Variants in PI4KA observed in about 807,000 individuals in gnomAD.
PI4KA encodes the protein phosphatidylinositol 4-kinase alpha.
Under a neutral mutation model 271.4 loss-of-function variants are expected in PI4KA, and 122 were observed. That is an observed-to-expected ratio of 0.45 (90% CI 0.39 to 0.52). The LOEUF (loss-of-function observed/expected upper bound fraction) is 0.52, where lower values mean the gene tolerates loss of function less well. Ranked by LOEUF, PI4KA falls within the 20% of genes least tolerant of loss-of-function variation. The pLI is 0.00. For synonymous variants in PI4KA, 1,041 were observed against 1,078.8 expected (o/e 0.96, Z 0.69); for missense variants, 1,969 against 2,769.1 (o/e 0.71, Z 6.48).
Position 20,834,444 on chromosome 22 carries a change from C to A in PI4KA, c.367+118G>T, listed in dbSNP as rs165729. 0.46 allele frequency: 331,054 copies of A among 717,472 alleles called. 78,725 individuals carry two copies. The highest frequency in any genetic ancestry group is 0.6 in the African/African-American group (34,224 of 56,886). 44.4% of individuals were successfully genotyped at this position (717,472 alleles called of 1,614,324 possible). On this transcript the variant is annotated intron_variant, in intron 3 of 54. Coordinates refer to ENST00000255882, the MANE Select transcript of PI4KA (RefSeq NM_058004.4). ...CCACAATGCTGCAGGCAGTTGTTTC[C>A]CAGCCAGGAGGGAGACAAGATGCAT...
At position 20,802,118 on chromosome 22, in the gene PI4KA, A is replaced by G. The variant is rs1935369388; in HGVS notation, c.1592-13T>C. 2 of 1,612,772 alleles carry G rather than the reference A, an allele frequency of 1.2e-6. No homozygotes were observed. Among genetic ancestry groups the G allele is most frequent in the African/African-American group, 1.3e-5 (1 of 74,896 alleles). On this transcript the variant is annotated splice_polypyrimidine_tract_variant and intron_variant, in intron 13 of 54. Transcript: ENST00000255882. ...TCATTGCCAGCAACTGAAAGTAAAA[A>G]ATTCAAATATATACCTAGTTAGGCC...
At chr22:20,807,883 T>G (rs1167114599) in intron 9 of PI4KA, among the ~76,000 whole-genome samples, 5 of 152,124 alleles carry the variant, frequency 3.3e-5, no homozygotes, top group Non-Finnish European at 7.4e-5. Context: ...ACAACTTATG[T>G]TTTGTAATTA....
Position 20,749,798 on chromosome 22 carries a change from C to T in PI4KA, c.3243+107G>A. The T allele has an allele frequency of 9.9e-6, 7 of 709,928 alleles. No individual in the cohort carries two copies. In the South Asian group the frequency reaches 1.1e-4, roughly 11 times the overall value. 44.0% of individuals were successfully genotyped at this position (709,928 alleles called of 1,614,324 possible). A position where few individuals can be genotyped will look rare whatever the true frequency, so the allele number is the denominator to read the frequency against. On this transcript the variant is annotated intron_variant, in intron 28 of 54. Transcript: ENST00000255882. ...GGCCCTAGACTGATGCTTCCAGTCT[C>T]CATTCACACTAGTGCTATTTGGATT...
intron 23 of PI4KA, among the ~76,000 whole-genome samples, chr22:20,753,791 A>G (rs1930974116): frequency 6.6e-6 from 1 of 151,908 alleles, no homozygotes; most frequent in Non-Finnish European, 1.5e-5. Flanking sequence ...GGTTCACGCC[A>G]TTCTCCTGCC....
At chr22:20,771,464 G>A (rs1296787749) in intron 19 of PI4KA, among the ~76,000 whole-genome samples, 1 of 151,980 alleles carries the variant, frequency 6.6e-6, no homozygotes, top group Non-Finnish European at 1.5e-5. Flanking sequence ...CACTAAATGG[G>A]AAAATGACTG....
Position 20,727,817 on chromosome 22 carries a change from C to T in PI4KA, c.4730G>A (p.Arg1577Gln). ...AIGNEVTRLVRLDPGAVSDVP... is the reference protein window; with the variant it reads ...AIGNEVTRLVQLDPGAVSDVP... ...ATCACTAACGGCTCCCGGGTCCAAC[C>T]GAACGAGACGGGTCACTTCGTTCCC... Residue 1577 changes from arginine (R) to glutamine (Q), a missense_variant, in exon 40 of 55, where the codon CGG (arginine) becomes CAG (glutamine). By Grantham distance (43) the Arg-to-Gln change is conservative (BLOSUM62 1). Around this residue, in one of 13 missense-constraint regions of PI4KA, gnomAD observed 388 missense variants for 521.5 expected, o/e 0.74. Transcript: ENST00000255882. 6.2e-7 allele frequency: 1 copy of T among 1,614,130 alleles called. No homozygotes were observed. The highest frequency in any genetic ancestry group is 8.5e-7 in the Non-Finnish European group (1 of 1,180,010).
intron 19 of PI4KA, among the ~76,000 whole-genome samples, chr22:20,777,614 A>T (rs1933408887): frequency 6.6e-6 from 1 of 152,086 alleles, no homozygotes; most frequent in African/African-American, 2.4e-5. Flanking sequence ...TTGGTCTCCC[A>T]GTGTTGGGAT....
chr22:20,742,133 G>T, intron 32 of PI4KA, 95 bp downstream of exon 32: 1 of 1,316,522 alleles, frequency 7.6e-7, no homozygotes, highest in Non-Finnish European at 1.1e-6. Flanking sequence ...GGCTTGCCCA[G>T]TGTCTCCATG....
chr22:20,853,579 A>G (rs1927248394), intron 1 of PI4KA, among the ~76,000 whole-genome samples: 1 of 152,190 alleles, frequency 6.6e-6, no homozygotes, highest in South Asian at 2.1e-4. Context: ...AGGACTGGGT[A>G]GGATTTGGTT....
At chr22:20,726,586 C>A (rs1325371542) in intron 41 of PI4KA, 45 bp from the exon 42 acceptor site, 3 of 1,532,264 alleles carry the variant, frequency 2.0e-6, no homozygotes, top group Non-Finnish European at 2.6e-6. Flanking sequence ...GAGAGCAGAG[C>A]CACCCAACCC....
At chr22:20,858,548 C>G in intron 1 of PI4KA, 22 bp downstream of exon 1, 1 of 1,355,220 alleles carries the variant, frequency 7.4e-7, no homozygotes, top group East Asian at 3.1e-5. Flanking sequence ...TGTCAGCCCG[C>G]GGCCCAGCCC....
chr22:20,735,621 T>G (rs1928618055), intron 32 of PI4KA, among the ~76,000 whole-genome samples: 1 of 152,114 alleles, frequency 6.6e-6, no homozygotes, highest in African/African-American at 2.4e-5. Flanking sequence ...CTCTGCCTTT[T>G]GCACTCTGTC....
rs369891887 is a variant in PI4KA, at chr22:20,822,336, C to A, written c.457-1725G>T. The stretch of plus-strand genomic sequence containing the variant: ...TGTTGGGATTACAGGCGTGAGCCAC[C>A]ATCCATGACAATAAGCTTATAGATG... On this transcript the variant is annotated intron_variant, in intron 4 of 54. Transcript: ENST00000255882. 1.1e-4 allele frequency among the ~76,000 whole-genome samples: 17 copies of A among 152,298 alleles called. No individual in the cohort carries two copies. The South Asian group carries it at 3.5e-3, about 32-fold the overall frequency.
At chr22:20,711,743 G>A (rs558201875) in intron 50 of PI4KA, among the ~76,000 whole-genome samples, 1 of 152,206 alleles carries the variant, frequency 6.6e-6, no homozygotes, top group African/African-American at 2.4e-5. Context: ...GTGGCTTACA[G>A]ATGCCCTGGT....
At chr22:20,830,790 A>C (rs1924057497) in intron 3 of PI4KA, among the ~76,000 whole-genome samples, 1 of 151,930 alleles carries the variant, frequency 6.6e-6, no homozygotes, top group Non-Finnish European at 1.5e-5. Context: ...TCTTTTTTTG[A>C]GACAGAGTTT....
chr22:20,840,192 A>G lies in PI4KA; in HGVS notation c.157-1461T>C, dbSNP rs369333839. Among the ~76,000 whole-genome samples, 16 of 152,356 alleles carry G rather than the reference A, an allele frequency of 1.1e-4. No homozygotes were observed. In the South Asian group the frequency reaches 2.9e-3, roughly 28 times the overall value. ...GCATAACATCATTATTTCTCCAACA[A>G]TAGTGCCTGAAAGACAACTTTTGAT... On this transcript the variant is annotated intron_variant, in intron 1 of 54. Transcript: ENST00000255882.
intron 47 of PI4KA, 21 bp from the exon 48 acceptor site, chr22:20,713,411 C>T (rs770494698): frequency 3.6e-5 from 56 of 1,545,972 alleles, no homozygotes; most frequent in African/African-American, 6.8e-5. Flanking sequence ...GGAGAGAGGC[C>T]GCTGTTAGCC....
chr22:20,837,328 G>C (rs547298590), intron 2 of PI4KA, among the ~76,000 whole-genome samples: 2 of 152,324 alleles, frequency 1.3e-5, no homozygotes, highest in Non-Finnish European at 2.9e-5. Flanking sequence ...ATTAAATAAT[G>C]ACTGTGCCAC....
Position 20,824,732 on chromosome 22 carries a change from T to TCACACACA in PI4KA, c.368-326_368-319dup, listed in dbSNP as rs361914. 1.3e-3 allele frequency among the ~76,000 whole-genome samples: 172 copies of TCACACACA among 136,292 alleles called. 1 individual carries two copies. The highest frequency in any genetic ancestry group is 3.6e-3 in the Middle Eastern group (1 of 280). 89.4% of individuals were successfully genotyped at this position (136,292 alleles called of 152,430 possible). A position where few individuals can be genotyped will look rare whatever the true frequency, so the allele number is the denominator to read the frequency against. ...TTATTCCCTAAGTAAATGTGATAAA[T>TCACACACA]CACACACACACACACACACACACAC... is the stretch of plus-strand genomic sequence containing the variant. On this transcript the variant is annotated intron_variant, in intron 3 of 54. Coordinates refer to ENST00000255882, the MANE Select transcript of PI4KA (RefSeq NM_058004.4).
Sources: allele counts gnomAD v4.1 joint callset (sites outside exome capture counted in the v4.1 genomes callset), GRCh38; gene constraint gnomAD v4.1.1; regional missense constraint gnomAD v4.1.1; transcripts MANE v1.5; gene names NCBI Gene and HGNC (gene_info 2026-07-23, HGNC 2026-07-21).